PARD3B: variants seen among roughly 807,000 people sequenced by gnomAD.
PARD3B encodes the protein par-3 family cell polarity regulator beta.
Under a neutral mutation model 130.2 loss-of-function variants are expected in PARD3B, and 103 were observed. The ratio of observed to expected loss-of-function variants is 0.79; its 90% confidence interval spans 0.67 to 0.93. PARD3B has a LOEUF of 0.93. Ranked by LOEUF, PARD3B falls within the 40% of genes least tolerant of loss-of-function variation. The probability of loss-of-function intolerance (pLI) is 0.00; values close to 1 mark genes in which losing one functional copy is unlikely to be tolerated. For missense variants in PARD3B, 1,609 were observed against 1,499.2 expected (o/e 1.07, Z -1.21); for synonymous variants, 583 against 553.2 (o/e 1.05, Z -0.76).
At chr2:205,043,701 T>C (rs1397113645) in intron 3 of PARD3B, among the ~76,000 whole-genome samples, 1 of 152,174 alleles carries the variant, frequency 6.6e-6, no homozygotes, top group African/African-American at 2.4e-5. Context: ...TGACTTCTAC[T>C]CTACCATATA....
intron 20 of PARD3B, among the ~76,000 whole-genome samples, chr2:205,467,907 A>G (rs2048687758): frequency 1.3e-5 from 2 of 152,226 alleles, no homozygotes; most frequent in Admixed American, 6.5e-5. Context: ...GGGTAAGAAA[A>G]AGACATATAA....
chr2:204,891,758 C>T lies in PARD3B; in HGVS notation c.223-73394C>T, dbSNP rs370065487. Among the ~76,000 whole-genome samples the T allele has an allele frequency of 2.6e-4, 39 of 152,258 alleles. 1 individual carries two copies. Among genetic ancestry groups the T allele is most frequent in the African/African-American group, 9.1e-4 (38 of 41,548 alleles). The stretch of plus-strand genomic sequence containing the variant: ...TAATATTCAGCCCCAGATGTTCCCC[C>T]TGGACAATTTTTCTGAATTTGCCTA... On this transcript the variant is annotated intron_variant, in intron 2 of 22. Coordinates refer to ENST00000406610, the MANE Select transcript of PARD3B (RefSeq NM_001302769.2).
intron 21 of PARD3B, among the ~76,000 whole-genome samples, chr2:205,511,883 G>A (rs1302546076): frequency 1.3e-5 from 2 of 152,150 alleles, no homozygotes; most frequent in Non-Finnish European, 2.9e-5. Context: ...AACCAATCAG[G>A]TCACTACAGC....
rs553003759 is a variant in PARD3B, at chr2:204,855,704, C to T, written c.223-109448C>T. Reference sequence around the variant, plus strand: ...GATCAACATTTCCCTTTCCCCCATTCTTTCTCCCCATTGCTCCATATTCTG... The same window carrying T: ...GATCAACATTTCCCTTTCCCCCATTTTTTCTCCCCATTGCTCCATATTCTG... On this transcript the variant is annotated intron_variant, in intron 2 of 22. Transcript: ENST00000406610. Among the ~76,000 whole-genome samples, 717 of 152,106 alleles carry T rather than the reference C, an allele frequency of 4.7e-3. 2 individuals are homozygous for T. Among genetic ancestry groups the T allele is most frequent in the Non-Finnish European group, 7.7e-3 (521 of 67,956 alleles).
At position 205,241,149 on chromosome 2, in the gene PARD3B, C is replaced by T. The variant is rs1307256093; in HGVS notation, c.2141-4629C>T. ...CAACCATGAGAATTAGAAACATAGG[C>T]CATCAGGCTGCTGTTTCTCAAACAA... On this transcript the variant is annotated intron_variant, in intron 15 of 22. Coordinates refer to ENST00000406610, the MANE Select transcript of PARD3B (RefSeq NM_001302769.2). This position sits in a 1 kb window ranked among gnomAD's most constrained non-coding sequence, Gnocchi z 4.2. 6.6e-6 allele frequency among the ~76,000 whole-genome samples: 1 copy of T among 152,130 alleles called. No individual in the cohort carries two copies. Among genetic ancestry groups the T allele is most frequent in the Non-Finnish European group, 1.5e-5 (1 of 68,006 alleles).
chr2:205,363,187 T>C (rs1053964634), intron 18 of PARD3B, among the ~76,000 whole-genome samples: 3 of 152,162 alleles, frequency 2.0e-5, no homozygotes, highest in Non-Finnish European at 4.4e-5. Flanking sequence ...GCTGTAGCCC[T>C]GATGGGGCCC....
intron 2 of PARD3B, among the ~76,000 whole-genome samples, chr2:204,762,284 G>A (rs550331950): frequency 6.6e-6 from 1 of 151,898 alleles, no homozygotes; most frequent in Admixed American, 6.6e-5. Context: ...ACCATGCCCA[G>A]CTAATTTTTT....
At chr2:204,895,657 A>G (rs1233910939) in intron 2 of PARD3B, among the ~76,000 whole-genome samples, 3 of 152,136 alleles carry the variant, frequency 2.0e-5, no homozygotes, top group Non-Finnish European at 4.4e-5. Flanking sequence ...CCCGCCAAAA[A>G]AAGAACCAAT....
intron 1 of PARD3B, among the ~76,000 whole-genome samples, chr2:204,596,375 G>C (rs2033289719): frequency 6.6e-6 from 1 of 151,936 alleles, no homozygotes; most frequent in Admixed American, 6.6e-5. Flanking sequence ...TTTCTTTTGG[G>C]AGATGCTGGA....
At position 204,932,050 on chromosome 2, in the gene PARD3B, T is replaced by C. The variant is rs138346832; in HGVS notation, c.223-33102T>C. On this transcript the variant is annotated intron_variant, in intron 2 of 22. Coordinates refer to ENST00000406610, the MANE Select transcript of PARD3B (RefSeq NM_001302769.2). ...TTGTCTACATTTGCCGAATTCTAGTTGCATCCTTTTAGGTCAAAAGGTAAG... is the reference window on the plus strand; with the variant it reads ...TTGTCTACATTTGCCGAATTCTAGTCGCATCCTTTTAGGTCAAAAGGTAAG... Among the ~76,000 whole-genome samples, 11 of 152,254 alleles carry C rather than the reference T, an allele frequency of 7.2e-5. No individual in the cohort carries two copies. The East Asian group carries it at 2.1e-3, about 29-fold the overall frequency.
intron 21 of PARD3B, among the ~76,000 whole-genome samples, chr2:205,511,222 G>A (rs1377056304): frequency 6.6e-6 from 1 of 152,118 alleles, no homozygotes; most frequent in Non-Finnish European, 1.5e-5. Context: ...CTCTTTCAAA[G>A]TCTAAATGAA....
At chr2:205,378,301 G>C (rs1365800761) in intron 18 of PARD3B, among the ~76,000 whole-genome samples, 4 of 152,140 alleles carry the variant, frequency 2.6e-5, no homozygotes, top group Admixed American at 6.6e-5. Context: ...GTAAACTACT[G>C]ATCTCAGTGC....
chr2:205,297,181 C>A (rs1311235622), intron 16 of PARD3B, among the ~76,000 whole-genome samples: 1 of 151,974 alleles, frequency 6.6e-6, no homozygotes, highest in African/African-American at 2.4e-5. Flanking sequence ...AGGATAACTT[C>A]AATGGGATCA....
At chr2:204,641,896 T>C (rs1297266646) in intron 1 of PARD3B, among the ~76,000 whole-genome samples, 2 of 152,186 alleles carry the variant, frequency 1.3e-5, no homozygotes, top group Non-Finnish European at 2.9e-5. Flanking sequence ...GGCAGCTCTT[T>C]GTAGAACCTG....
intron 2 of PARD3B, among the ~76,000 whole-genome samples, chr2:204,901,257 T>G (rs1277654140): frequency 6.6e-6 from 1 of 152,026 alleles, no homozygotes; most frequent in Non-Finnish European, 1.5e-5. Flanking sequence ...GTCAGAAACC[T>G]TAGAAATCTA....
intron 20 of PARD3B, among the ~76,000 whole-genome samples, chr2:205,498,637 G>A (rs2106338220): frequency 6.6e-6 from 1 of 152,318 alleles, no homozygotes; most frequent in African/African-American, 2.4e-5. Flanking sequence ...GAGGACCAGT[G>A]CTTAACCAAA....
At chr2:204,786,162 T>G (rs1326049159) in intron 2 of PARD3B, among the ~76,000 whole-genome samples, 1 of 151,602 alleles carries the variant, frequency 6.6e-6, no homozygotes, top group Non-Finnish European at 1.5e-5. Context: ...CGAATCGCTA[T>G]TCTCTTTATT....
rs574550555 is a variant in PARD3B at position 205,433,136 on chromosome 2, A to G, written c.2742-7234A>G. Among the ~76,000 whole-genome samples the G allele has an allele frequency of 1.1e-4, 16 of 152,372 alleles. No individual in the cohort carries two copies. The East Asian group carries it at 2.7e-3, about 26-fold the overall frequency. Reference sequence around the variant, plus strand: ...GATAATGCATTTAAAAGAGAATTATATATAACTCAATTTATAAATAATGAA... The same window carrying G: ...GATAATGCATTTAAAAGAGAATTATGTATAACTCAATTTATAAATAATGAA... On this transcript the variant is annotated intron_variant, in intron 19 of 22. Coordinates refer to ENST00000406610, the MANE Select transcript of PARD3B (RefSeq NM_001302769.2).
intron 3 of PARD3B, among the ~76,000 whole-genome samples, chr2:205,028,336 A>C (rs1697179156): frequency 1.3e-5 from 2 of 152,304 alleles, no homozygotes; most frequent in Admixed American, 6.5e-5. Context: ...CAACATGTGC[A>C]GAAAAATTCA....
Sources: allele counts gnomAD v4.1 joint callset (sites outside exome capture counted in the v4.1 genomes callset), GRCh38; gene constraint gnomAD v4.1.1; non-coding constraint Gnocchi (gnomAD v3.1); transcripts MANE v1.5; gene names NCBI Gene and HGNC (gene_info 2026-07-23, HGNC 2026-07-21).